The following FKBP9 variants were observed in gnomAD, a reference collection of about 807,000 sequenced individuals.
FKBP9 encodes peptidyl-prolyl cis-trans isomerase FKBP9.
FKBP9 carries 27 observed loss-of-function variants against 55.6 expected under a neutral mutation model. The observed-to-expected ratio is 0.49, with a 90% confidence interval of 0.36 to 0.67. The LOEUF (loss-of-function observed/expected upper bound fraction) is 0.67, where lower values mean the gene tolerates loss of function less well. Ranked by LOEUF, FKBP9 falls within the 30% of genes least tolerant of loss-of-function variation. The pLI, the probability that FKBP9 is intolerant of heterozygous loss-of-function variation, is 0.00. For missense variants in FKBP9, 539 were observed against 742.8 expected (o/e 0.73, Z 3.19); for synonymous variants, 267 against 296.5 (o/e 0.90, Z 1.02).
chr7:32,976,525 A>G (rs1223703930), intron 4 of FKBP9, 26 bp downstream of exon 4: 3 of 1,566,922 alleles, frequency 1.9e-6, no homozygotes, highest in East Asian at 2.3e-5. Context: ...TCTTGGAGCC[A>G]CTCTTTCCTA....
intron 5 of FKBP9, among the ~76,000 whole-genome samples, chr7:32,984,655 A>C (rs1301249951): frequency 6.6e-6 from 1 of 152,214 alleles, no homozygotes; most frequent in Non-Finnish European, 1.5e-5. Flanking sequence ...CACTACCATG[A>C]GATCGCCAGT....
At chr7:32,987,507 A>G (rs1454820230) in intron 5 of FKBP9, among the ~76,000 whole-genome samples, 5 of 151,728 alleles carry the variant, frequency 3.3e-5, no homozygotes, top group Non-Finnish European at 5.9e-5. Flanking sequence ...AAAAAAAAAA[A>G]AATTAAAAAG....
intron 1 of FKBP9, among the ~76,000 whole-genome samples, chr7:32,969,593 G>T (rs1053317593): frequency 6.6e-6 from 1 of 152,018 alleles, no homozygotes; most frequent in African/African-American, 2.4e-5. Context: ...CTGTATTTGG[G>T]TCAGTACCAT....
In FKBP9 at chr7:33,006,129, C is replaced by T. The variant is rs1785037089; in HGVS notation, c.*778C>T. 5.2e-6 allele frequency: 1 copy of T among 193,076 alleles called. No individual in the cohort carries two copies. Among genetic ancestry groups the T allele is most frequent in the Admixed American group, 6.5e-5 (1 of 15,404 alleles). The allele number at this position is 193,076 out of a possible 1,614,324, so 12.0% of individuals were successfully genotyped here. A position where few individuals can be genotyped will look rare whatever the true frequency, so the allele number is the denominator to read the frequency against. On this transcript the variant is annotated 3_prime_UTR_variant, in exon 10 of 10. Transcript: ENST00000242209. ...TTTTTTTTTCTGGAGGCAGAGTCTC[C>T]CTTTGTCGCCAGGCTGGAGTGCAGT...
At chr7:32,967,247 A>G (rs1272026614) in intron 1 of FKBP9, among the ~76,000 whole-genome samples, 1 of 152,210 alleles carries the variant, frequency 6.6e-6, no homozygotes, top group Non-Finnish European at 1.5e-5. Context: ...TAAAAAAACC[A>G]TCAAATTTAC....
Position 32,988,540 on chromosome 7 carries a change from T to G in FKBP9, c.927T>G (p.Ile309Met). The change falls in exon 6 of 10, where the codon ATT becomes ATG. Residue 309 changes from isoleucine (I) to methionine (M), a missense_variant. By Grantham distance (10) the Ile-to-Met change is conservative. Around this residue, in one of 4 missense-constraint regions of FKBP9, gnomAD observed 172 missense variants for 205.3 expected, o/e 0.84. Transcript: ENST00000242209. Reference sequence around the variant, plus strand: ...GGAACCGCACGTTTGACACGTACATTGGGCAGGGCTACGTGATTCCTGGGA... The same window carrying G: ...GGAACCGCACGTTTGACACGTACATGGGGCAGGGCTACGTGATTCCTGGGA... ...YSRNRTFDTY[I>M]GQGYVIPGMD... is the part of the protein sequence containing the mutation. 6.2e-7 allele frequency: 1 copy of G among 1,613,874 alleles called. No homozygotes were observed. Among genetic ancestry groups the G allele is most frequent in the South Asian group, 1.1e-5 (1 of 91,066 alleles).
rs1784323670 is a variant in FKBP9 at position 32,974,600 on chromosome 7, A to G, written c.222-17A>G. On this transcript the variant is annotated splice_polypyrimidine_tract_variant and intron_variant, in intron 1 of 9. Coordinates refer to ENST00000242209, the MANE Select transcript of FKBP9 (RefSeq NM_007270.5). The stretch of plus-strand genomic sequence containing the variant: ...TTTATACTTTTCTTTCTCTTTCCCT[A>G]CCCTTTGGGCCTTCAGCTATGACAG... The G allele has an allele frequency of 6.2e-7, 1 of 1,607,962 alleles. No individual in the cohort carries two copies. The highest frequency in any genetic ancestry group is 1.1e-5 in the South Asian group (1 of 90,212).
chr7:32,958,446 C>T (rs1783948543), intron 1 of FKBP9, among the ~76,000 whole-genome samples: 1 of 152,176 alleles, frequency 6.6e-6, no homozygotes, highest in South Asian at 2.1e-4. Context: ...TTGTTTAATC[C>T]AACTCCAGAG....
At position 33,006,357 on chromosome 7, in the gene FKBP9, G is replaced by C; in HGVS notation, c.*1006G>C. ...GGTCTCAATCTCGACCTCGTGATCC[G>C]CCCACCTTGGCCTCCCAAAGTGTTG... On this transcript the variant is annotated 3_prime_UTR_variant, in exon 10 of 10. Transcript: ENST00000242209. The C allele has an allele frequency of 5.1e-6, 1 of 196,764 alleles. No individual in the cohort carries two copies. Among genetic ancestry groups the C allele is most frequent in the South Asian group, 1.9e-4 (1 of 5,228 alleles). The allele number at this position is 196,764 out of a possible 1,614,324, so 12.2% of individuals were successfully genotyped here.
intron 1 of FKBP9, among the ~76,000 whole-genome samples, chr7:32,965,866 T>TATATATGTATACACATATATATATAC (rs70989913): frequency 2.1e-5 from 2 of 97,542 alleles, no homozygotes; most frequent in East Asian, 5.3e-4. Flanking sequence ...TATATATATA[T>TATATATGTATACACATATATATATAC]ACATACATAT....
intron 5 of FKBP9, among the ~76,000 whole-genome samples, chr7:32,985,047 G>C (rs1784548509): frequency 6.6e-6 from 1 of 151,874 alleles, no homozygotes; most frequent in Non-Finnish European, 1.5e-5. Flanking sequence ...TCTACTAAGT[G>C]ATGCATTGAC....
chr7:32,957,898 G>T, intron 1 of FKBP9, 104 bp downstream of exon 1: 1 of 879,422 alleles, frequency 1.1e-6, no homozygotes, highest in Non-Finnish European at 1.6e-6. Flanking sequence ...GCCCCGTGCA[G>T]CCGCGCTCCT....
intron 1 of FKBP9, among the ~76,000 whole-genome samples, chr7:32,961,805 G>T (rs998012840): frequency 4.6e-5 from 7 of 151,636 alleles, no homozygotes; most frequent in Admixed American, 2.0e-4. Context: ...TAGGTTATGT[G>T]CTCCTTATGA....
intron 5 of FKBP9, among the ~76,000 whole-genome samples, chr7:32,983,308 G>A (rs1220601819): frequency 6.6e-6 from 1 of 151,556 alleles, no homozygotes; most frequent in Non-Finnish European, 1.5e-5. Context: ...ATAGGTGTGA[G>A]CCACTGCGCC....
chr7:32,980,725 CCTTT>C lies in FKBP9; in HGVS notation c.893+185_893+188del, dbSNP rs539648812. On this transcript the variant is annotated intron_variant, in intron 5 of 9. Coordinates refer to ENST00000242209, the MANE Select transcript of FKBP9 (RefSeq NM_007270.5). ...TAGTTCTTTCCTCCCTTCCTTCCTTCCTTTCTTTCTTTCTTTTTTTTTGAGACGG... is the reference window on the plus strand; with the variant it reads ...TAGTTCTTTCCTCCCTTCCTTCCTTCCTTTCTTTCTTTTTTTTTGAGACGG... 8.1e-3 allele frequency among the ~76,000 whole-genome samples: 1,237 copies of C among 152,040 alleles called. 19 individuals carry two copies. The highest frequency in any genetic ancestry group is 0.028 in the African/African-American group (1,163 of 41,482).
At chr7:32,989,257 G>C (rs576344981) in intron 6 of FKBP9, among the ~76,000 whole-genome samples, 1 of 152,148 alleles carries the variant, frequency 6.6e-6, no homozygotes, top group East Asian at 1.9e-4. Flanking sequence ...AGTGGGTTAT[G>C]TCACCATCAC....
rs370818752 is a variant in FKBP9 at position 32,980,070 on chromosome 7, T to A, written c.704-294T>A. ...GTATGTATTTGGGTTTGCCTGTGGG[T>A]GCCTGCCCACCTACATAAAGCCTTG... On this transcript the variant is annotated intron_variant, in intron 4 of 9. Coordinates refer to ENST00000242209, the MANE Select transcript of FKBP9 (RefSeq NM_007270.5). Among the ~76,000 whole-genome samples, 5 of 152,334 alleles carry A rather than the reference T, an allele frequency of 3.3e-5. No individual in the cohort carries two copies. In the East Asian group the frequency reaches 5.8e-4, roughly 18 times the overall value.
chr7:32,995,364 T>C (rs2127987835), intron 6 of FKBP9, among the ~76,000 whole-genome samples: 1 of 152,228 alleles, frequency 6.6e-6, no homozygotes, highest in South Asian at 2.1e-4. Context: ...TTCTCTGAAA[T>C]GATTTGGGCT....
At chr7:32,987,444 G>T (rs902707393) in intron 5 of FKBP9, among the ~76,000 whole-genome samples, 3 of 150,078 alleles carry the variant, frequency 2.0e-5, no homozygotes, top group African/African-American at 4.9e-5. Flanking sequence ...GCAGTGAGCT[G>T]AGACCAGACC....
Sources: gnomAD v4.1 joint callset for allele counts (sites outside exome capture counted in the v4.1 genomes callset) on GRCh38, gnomAD v4.1.1 for gene constraint, gnomAD v4.1.1 regional missense constraint, MANE v1.5 for transcripts, NCBI Gene and HGNC (gene_info 2026-07-23, HGNC 2026-07-21) for gene names.